The following PM20D2 variants were observed in gnomAD, a reference collection of about 807,000 sequenced individuals.
The protein encoded by PM20D2 is xaa-Arg dipeptidase.
PM20D2 carries 33 observed loss-of-function variants against 42.9 expected under a neutral mutation model. The ratio of observed to expected loss-of-function variants is 0.77; its 90% CI spans 0.58 to 1.03. The LOEUF (loss-of-function observed/expected upper bound fraction) is 1.03, where lower values mean the gene tolerates loss of function less well. Among genes scored for constraint, PM20D2 ranks in the 50% least tolerant of loss-of-function variants. The pLI, the probability that PM20D2 is intolerant of heterozygous loss-of-function variation, is 0.00. For missense variants in PM20D2, 548 were observed against 557.0 expected (o/e 0.98, Z 0.16); for synonymous variants, 250 against 228.2 (o/e 1.10, Z -0.86).
the PM20D2 span, chr6:89,098,555 C>T: frequency 2.3e-5 from 36 of 1,581,640 alleles, no homozygotes; most frequent in Non-Finnish European, 2.6e-5. Flanking sequence ...TTAAAGACGG[C>T]GTGGTGCTCT....
the PM20D2 span, among the ~76,000 whole-genome samples, chr6:89,115,133 T>G: frequency 6.6e-6 from 1 of 151,974 alleles, no homozygotes; most frequent in South Asian, 2.1e-4. Flanking sequence ...AAGGTCTCTC[T>G]GTCACCCAGG....
chr6:89,152,896 C>G (rs1325008158), intron 2 of PM20D2, 147 bp from the exon 3 acceptor site: 1 of 555,604 alleles, frequency 1.8e-6, no homozygotes, highest in East Asian at 3.1e-5. Flanking sequence ...AAATAAATTG[C>G]AGTGTTATTA....
chr6:89,108,559 G>C, the PM20D2 span, among the ~76,000 whole-genome samples: 1 of 152,184 alleles, frequency 6.6e-6, no homozygotes, highest in Admixed American at 6.5e-5. Flanking sequence ...ATCAAGCTAT[G>C]ATCATAAAAT....
At chr6:89,109,290 G>A in the PM20D2 span, among the ~76,000 whole-genome samples, 1 of 152,180 alleles carries the variant, frequency 6.6e-6, no homozygotes, top group African/African-American at 2.4e-5. Context: ...TGAGACTGAA[G>A]GTTAAGAATC....
At chr6:89,114,540 T>C in the PM20D2 span, among the ~76,000 whole-genome samples, 2 of 151,888 alleles carry the variant, frequency 1.3e-5, no homozygotes, top group Non-Finnish European at 2.9e-5. Context: ...ATTCAACAAA[T>C]GTTAGAGATT....
At chr6:89,126,114 G>A in the PM20D2 span, among the ~76,000 whole-genome samples, 1 of 152,108 alleles carries the variant, frequency 6.6e-6, no homozygotes, top group South Asian at 2.1e-4. Flanking sequence ...GTATTTCTTG[G>A]CTGGGCATGG....
At chr6:89,150,730 G>T (rs1770803948) in intron 2 of PM20D2, among the ~76,000 whole-genome samples, 1 of 151,228 alleles carries the variant, frequency 6.6e-6, no homozygotes, top group Non-Finnish European at 1.5e-5. Flanking sequence ...AGTAGAGACA[G>T]GGTTTCACCG....
upstream of PM20D2, among the ~76,000 whole-genome samples, chr6:89,142,057 A>G (rs140378102): frequency 0.013 from 1,924 of 150,564 alleles, 43 homozygotes; most frequent in African/African-American, 0.042. Flanking sequence ...CCTGGGCTCA[A>G]GCTATCCTCC....
intron 5 of PM20D2, among the ~76,000 whole-genome samples, chr6:89,159,111 T>C (rs184730656): frequency 4.7e-4 from 71 of 152,314 alleles, no homozygotes; most frequent in Admixed American, 1.5e-3. Flanking sequence ...GAGGTGCTTA[T>C]AGTATTTCTA....
upstream of PM20D2, among the ~76,000 whole-genome samples, chr6:89,145,604 G>A (rs868731676): frequency 2.0e-5 from 3 of 152,326 alleles, no homozygotes; most frequent in Middle Eastern, 3.4e-3. Context: ...ATGTCAAGGA[G>A]AAGAAAGTGG....
the PM20D2 span, among the ~76,000 whole-genome samples, chr6:89,128,817 C>A: frequency 1.3e-5 from 2 of 152,268 alleles, no homozygotes; most frequent in East Asian, 3.9e-4. Flanking sequence ...ATAGAAAGAA[C>A]CTATGTTGAA....
At chr6:89,117,785 C>G in the PM20D2 span, 47 of 1,528,262 alleles carry the variant, frequency 3.1e-5, no homozygotes, top group Non-Finnish European at 4.1e-5. Flanking sequence ...TACCCCGCCC[C>G]TCCTCCGCGC....
the PM20D2 span, among the ~76,000 whole-genome samples, chr6:89,127,838 C>T: frequency 3.9e-5 from 6 of 152,288 alleles, no homozygotes; most frequent in East Asian, 5.8e-4. Flanking sequence ...GCTGGAGCCG[C>T]AGCAGAGGAA....
the PM20D2 span, among the ~76,000 whole-genome samples, chr6:89,118,939 G>C: frequency 6.6e-6 from 1 of 152,178 alleles, no homozygotes; most frequent in African/African-American, 2.4e-5. Flanking sequence ...ACTCGTCTTC[G>C]CCTTGCTCCT....
the PM20D2 span, among the ~76,000 whole-genome samples, chr6:89,094,530 A>G: frequency 2.6e-5 from 4 of 152,200 alleles, no homozygotes; most frequent in African/African-American, 9.6e-5. Context: ...CAGCCTAGAT[A>G]TTTTAATTTG....
chr6:89,118,083 C>CTGGGGG, the PM20D2 span: 1 of 129,058 alleles, frequency 7.7e-6, no homozygotes, highest in African/African-American at 3.0e-5. Context: ...GACGCACGGG[C>CTGGGGG]CGGGGGCGGG....
the PM20D2 span, among the ~76,000 whole-genome samples, chr6:89,095,773 C>T: frequency 1.6e-4 from 24 of 152,260 alleles, no homozygotes; most frequent in South Asian, 4.8e-3. Context: ...ATATCAGCTG[C>T]TATAAATTAT....
chr6:89,117,696 A>G, the PM20D2 span: 1 of 937,696 alleles, frequency 1.1e-6, no homozygotes, highest in East Asian at 3.5e-5. Flanking sequence ...CAAGTGGCGC[A>G]GCCTGGGCCC....
intron 1 of PM20D2, among the ~76,000 whole-genome samples, chr6:89,148,834 T>A (rs1770722895): frequency 6.6e-6 from 1 of 152,184 alleles, no homozygotes; most frequent in Admixed American, 6.5e-5. Flanking sequence ...CTCACAGGGT[T>A]GTTGTGAGGA....
Sources: allele counts gnomAD v4.1 joint callset (sites outside exome capture counted in the v4.1 genomes callset), GRCh38; gene constraint gnomAD v4.1.1; transcripts MANE v1.5; gene names NCBI Gene and HGNC (gene_info 2026-07-23, HGNC 2026-07-21).